Variants in ETFA observed in about 807,000 individuals in gnomAD.
ETFA encodes electron transfer flavoprotein subunit alpha.
In ETFA, 22 loss-of-function variants were observed where a neutral mutation model predicts 46.2. The ratio of observed to expected loss-of-function variants is 0.48; its 90% CI spans 0.34 to 0.68. ETFA has a LOEUF of 0.68. Ranked by LOEUF, ETFA falls within the 30% of genes least tolerant of loss-of-function variation. The pLI is 0.01. For missense variants in ETFA, 345 were observed against 401.1 expected (o/e 0.86, Z 1.19); for synonymous variants, 131 against 139.9 (o/e 0.94, Z 0.45).
In ETFA at chr15:76,299,739, T is replaced by C. The variant is rs549111755; in HGVS notation, c.40-4002A>G. On this transcript the variant is annotated intron_variant, in intron 1 of 11. Coordinates refer to ENST00000557943, the MANE Select transcript of ETFA (RefSeq NM_000126.4). ...CCTGTCCCTGCCCTATTACAATTCCTGTCCTTGCCCTATCACAATGGAAGC... is the reference window on the plus strand; with the variant it reads ...CCTGTCCCTGCCCTATTACAATTCCCGTCCTTGCCCTATCACAATGGAAGC... 2.1e-4 allele frequency among the ~76,000 whole-genome samples: 32 copies of C among 152,312 alleles called. No homozygotes were observed. In the South Asian group the frequency reaches 4.8e-3, roughly 23 times the overall value.
chr15:76,262,474 CTTTTTTTTTTTTT>C (rs60480510), intron 9 of ETFA, among the ~76,000 whole-genome samples: 1 of 84,688 alleles, frequency 1.2e-5, no homozygotes, highest in African/African-American at 4.3e-5. Flanking sequence ...ATCAAACCCC[CTTTTTTTTTTTTT>C]TTTTTTTTTT....
At chr15:76,275,510 T>C (rs909698625) in intron 8 of ETFA, among the ~76,000 whole-genome samples, 5 of 152,248 alleles carry the variant, frequency 3.3e-5, no homozygotes, top group Admixed American at 6.5e-5. Context: ...AGTGGGTTTC[T>C]TGTAGACACC....
chr15:76,302,972 C>A (rs962926150), intron 1 of ETFA, among the ~76,000 whole-genome samples: 13 of 152,266 alleles, frequency 8.5e-5, no homozygotes, highest in Non-Finnish European at 1.9e-4. Flanking sequence ...TGTACTACCA[C>A]ACAGGCCAAA....
intron 9 of ETFA, among the ~76,000 whole-genome samples, chr15:76,233,905 T>C (rs2039095516): frequency 6.6e-6 from 1 of 152,218 alleles, no homozygotes; most frequent in Non-Finnish European, 1.5e-5. Context: ...AAAAGCTCCA[T>C]GTGCATTATA....
chr15:76,241,119 T>C (rs963863941), intron 9 of ETFA, among the ~76,000 whole-genome samples: 3 of 152,148 alleles, frequency 2.0e-5, no homozygotes, highest in Non-Finnish European at 4.4e-5. Context: ...TTAATTTACA[T>C]TGAAATATTT....
At chr15:76,247,852 G>C (rs2039258522) in intron 9 of ETFA, among the ~76,000 whole-genome samples, 3 of 152,150 alleles carry the variant, frequency 2.0e-5, no homozygotes, top group African/African-American at 4.8e-5. Flanking sequence ...TCTTATAAAA[G>C]TGTTTTAAGA....
intron 9 of ETFA, chr15:76,259,831 G>T (rs142007339): frequency 1.7e-5 from 26 of 1,560,582 alleles, no homozygotes; most frequent in African/African-American, 2.7e-5. Context: ...GGGTAAAGGG[G>T]TTCTCCCCAA....
rs779678354 is a variant in ETFA at position 76,216,614 on chromosome 15, AAAGT to A, written c.964-21_964-18del. ...AGGAACTACCTGCAAATAAAAACAA[AAAGT>A]AATTAAGCAACTAGAGCCTTCACTG... On this transcript the variant is annotated intron_variant, in intron 11 of 11. Transcript: ENST00000557943. 6.5e-7 allele frequency: 1 copy of A among 1,537,106 alleles called. No homozygotes were observed. The highest frequency in any genetic ancestry group is 9.0e-7 in the Non-Finnish European group (1 of 1,109,778).
chr15:76,262,926 G>A (rs1217861126), intron 9 of ETFA, among the ~76,000 whole-genome samples: 1 of 152,094 alleles, frequency 6.6e-6, no homozygotes, highest in Non-Finnish European at 1.5e-5. Context: ...TAAAAGTGCT[G>A]GGGGGAACTA....
chr15:76,296,709 G>T (rs973823475), intron 1 of ETFA, among the ~76,000 whole-genome samples: 12 of 152,166 alleles, frequency 7.9e-5, no homozygotes, highest in Non-Finnish European at 1.3e-4. Flanking sequence ...CCTATCTAAT[G>T]CAGACTATCA....
chr15:76,246,060 C>T (rs76518305), intron 9 of ETFA, among the ~76,000 whole-genome samples: 5,949 of 152,222 alleles, frequency 0.039, 353 homozygotes, highest in African/African-American at 0.13. Flanking sequence ...TCTTAGAAAA[C>T]AAGGATTTAT....
At chr15:76,276,220 A>G (rs1257486155) in intron 8 of ETFA, among the ~76,000 whole-genome samples, 14 of 152,138 alleles carry the variant, frequency 9.2e-5, no homozygotes, top group Admixed American at 9.2e-4. Flanking sequence ...TTCACAGGGT[A>G]TAAAATCCTA....
At chr15:76,263,914 G>A (rs960849476) in intron 9 of ETFA, among the ~76,000 whole-genome samples, 6 of 152,176 alleles carry the variant, frequency 3.9e-5, no homozygotes, top group African/African-American at 1.4e-4. Context: ...TTAAGTGAAT[G>A]GCCACCTCCT....
intron 9 of ETFA, among the ~76,000 whole-genome samples, chr15:76,249,937 A>G (rs1372000254): frequency 2.0e-5 from 3 of 152,198 alleles, no homozygotes; most frequent in Non-Finnish European, 4.4e-5. Flanking sequence ...TTGGAAAACA[A>G]TTTGTCAAAA....
intron 11 of ETFA, among the ~76,000 whole-genome samples, chr15:76,216,840 C>CTTTTTTTTTTT (rs373144812): frequency 2.2e-5 from 2 of 89,284 alleles, no homozygotes; most frequent in African/African-American, 4.7e-5. Context: ...TGCCTTTTGC[C>CTTTTTTTTTTT]TTTTTTTTTT....
At chr15:76,247,115 A>G (rs1321960455) in intron 9 of ETFA, among the ~76,000 whole-genome samples, 1 of 152,214 alleles carries the variant, frequency 6.6e-6, no homozygotes, top group Non-Finnish European at 1.5e-5. Context: ...CTATACATCC[A>G]ATGTTCCTCA....
At chr15:76,297,527 G>T (rs1271471997) in intron 1 of ETFA, among the ~76,000 whole-genome samples, 2 of 151,868 alleles carry the variant, frequency 1.3e-5, no homozygotes, top group African/African-American at 2.4e-5. Context: ...AAAATTATGA[G>T]ATTTCCATCA....
intron 9 of ETFA, chr15:76,261,396 G>T: frequency 7.7e-7 from 1 of 1,305,760 alleles, no homozygotes; most frequent in Non-Finnish European, 1.1e-6. Flanking sequence ...CTGACTTCAG[G>T]CTGAGGAAGC....
At chr15:76,251,566 A>C (rs976524163) in intron 9 of ETFA, among the ~76,000 whole-genome samples, 1 of 152,232 alleles carries the variant, frequency 6.6e-6, no homozygotes. Context: ...TTCTCTGGAC[A>C]GTAGTTCTGA....
Sources: allele counts gnomAD v4.1 joint callset (sites outside exome capture counted in the v4.1 genomes callset), GRCh38; gene constraint gnomAD v4.1.1; transcripts MANE v1.5; gene names NCBI Gene and HGNC (gene_info 2026-07-23, HGNC 2026-07-21).